The following SECISBP2L variants were observed in gnomAD, a reference collection of about 807,000 sequenced individuals.
SECISBP2L encodes the protein selenocysteine insertion sequence-binding protein 2-like.
Under a neutral mutation model 114.7 loss-of-function variants are expected in SECISBP2L, and 43 were observed. That is an observed-to-expected ratio of 0.38 (90% CI 0.29 to 0.48). SECISBP2L has a LOEUF of 0.48. SECISBP2L is among the 20% of genes least tolerant of loss of function. The probability of loss-of-function intolerance (pLI) is 0.98; values close to 1 mark genes in which losing one functional copy is unlikely to be tolerated. For missense variants in SECISBP2L, 1,136 were observed against 1,301.1 expected (o/e 0.87, Z 1.95); for synonymous variants, 451 against 439.7 (o/e 1.03, Z -0.32).
At position 49,012,829 on chromosome 15, in the gene SECISBP2L, G is replaced by A. The variant is rs750347205; in HGVS notation, c.1562-12C>T. 6.3e-7 allele frequency: 1 copy of A among 1,599,918 alleles called. No individual in the cohort carries two copies. The highest frequency in any genetic ancestry group is 8.5e-7 in the Non-Finnish European group (1 of 1,176,430). On this transcript the variant is annotated splice_polypyrimidine_tract_variant and intron_variant, in intron 11 of 17. Transcript: ENST00000559471. ...AGCTGCAGTAACCACTAAAAACAAA[G>A]AGGAACATTAGTTTCACCATTAGGG...
rs1299323296 is a variant in SECISBP2L at position 48,989,125 on chromosome 15, G to A, written c.*3119C>T. Reference sequence around the variant, plus strand: ...CCAACATACAGAAAATACATGACAAGGGTGTTTTTTTTTTTTAAGCAAACA... The same window carrying A: ...CCAACATACAGAAAATACATGACAAAGGTGTTTTTTTTTTTTAAGCAAACA... On this transcript the variant is annotated 3_prime_UTR_variant, in exon 18 of 18. Coordinates refer to ENST00000559471, the MANE Select transcript of SECISBP2L (RefSeq NM_001193489.2). The A allele has an allele frequency of 8.9e-6, 1 of 111,928 alleles. No individual in the cohort carries two copies. Among genetic ancestry groups the A allele is most frequent in the African/African-American group, 2.8e-5 (1 of 36,212 alleles). 6.9% of individuals were successfully genotyped at this position (111,928 alleles called of 1,614,324 possible).
chr15:49,038,994 C>A (rs749921023), intron 1 of SECISBP2L, among the ~76,000 whole-genome samples: 2 of 152,012 alleles, frequency 1.3e-5, no homozygotes, highest in African/African-American at 2.4e-5. Flanking sequence ...AGTAAAAAAT[C>A]TGAAGATGAG....
chr15:49,013,591 G>A (rs1353525511), intron 11 of SECISBP2L, among the ~76,000 whole-genome samples: 1 of 152,140 alleles, frequency 6.6e-6, no homozygotes, highest in African/African-American at 2.4e-5. Flanking sequence ...CACTACACCC[G>A]GCCTCAGTAA....
chr15:49,012,869 T>G, intron 11 of SECISBP2L, 52 bp from the exon 12 acceptor site: 1 of 1,541,662 alleles, frequency 6.5e-7, no homozygotes. Context: ...TCCCACATAC[T>G]TTCAAAATTT....
At chr15:48,999,172 C>A (rs1902153835) in intron 16 of SECISBP2L, among the ~76,000 whole-genome samples, 1 of 152,120 alleles carries the variant, frequency 6.6e-6, no homozygotes, top group Non-Finnish European at 1.5e-5. Flanking sequence ...AACATGGTGA[C>A]TGGATAGACA....
At chr15:49,031,162 C>T (rs1332306212) in intron 4 of SECISBP2L, among the ~76,000 whole-genome samples, 1 of 148,936 alleles carries the variant, frequency 6.7e-6, no homozygotes, top group African/African-American at 2.4e-5. Flanking sequence ...GATTCTCCTA[C>T]CTCAGCCTCC....
intron 1 of SECISBP2L, among the ~76,000 whole-genome samples, chr15:49,039,511 TTTC>T (rs959632946): frequency 6.6e-6 from 1 of 151,642 alleles, no homozygotes; most frequent in Non-Finnish European, 1.5e-5. Flanking sequence ...ATTTTTAGGA[TTTC>T]TTTTTTTTTT....
chr15:48,994,945 C>T (rs1902058465), intron 17 of SECISBP2L, among the ~76,000 whole-genome samples: 1 of 150,910 alleles, frequency 6.6e-6, no homozygotes, highest in African/African-American at 2.4e-5. Flanking sequence ...ATTTTAGATG[C>T]ACATTAACAT....
intron 17 of SECISBP2L, among the ~76,000 whole-genome samples, chr15:48,994,457 C>G (rs915283539): frequency 1.3e-5 from 2 of 152,308 alleles, no homozygotes; most frequent in East Asian, 3.9e-4. Context: ...CAGCAAAGCC[C>G]TTCATGATCT....
intron 17 of SECISBP2L, among the ~76,000 whole-genome samples, 174 bp from the exon 18 acceptor site, chr15:48,993,100 A>AGAGAGAGAGAGTGT (rs772299775): frequency 1.4e-5 from 2 of 139,130 alleles, no homozygotes; most frequent in African/African-American, 5.7e-5. Context: ...ACAGAGAGAG[A>AGAGAGAGAGAGTGT]GTGTGTGTGT....
chr15:49,012,511 C>T, intron 12 of SECISBP2L, 137 bp downstream of exon 12: 2 of 843,618 alleles, frequency 2.4e-6, no homozygotes, highest in Non-Finnish European at 3.7e-6. Flanking sequence ...CAAATTAACA[C>T]ATTATCGTCA....
At chr15:49,007,699 G>A (rs1292847156) in intron 14 of SECISBP2L, among the ~76,000 whole-genome samples, 1 of 152,188 alleles carries the variant, frequency 6.6e-6, no homozygotes, top group African/African-American at 2.4e-5. Context: ...TACTGAAGAT[G>A]CTTCTAGTAG....
rs1826515602 is a variant in SECISBP2L, at chr15:49,035,649, A to C, written c.213T>G (p.Pro71=). Residue 71 remains proline, a synonymous_variant, in exon 3 of 18, where the codon CCT becomes CCG. Coordinates refer to ENST00000559471, the MANE Select transcript of SECISBP2L (RefSeq NM_001193489.2). ...GCCATCGTATATCATTGTTATATAA[A>C]GGAAACTGTCTGCAAAACCAAATCA... is the stretch of plus-strand genomic sequence containing the variant. The part of the protein sequence containing the change: ...VQENQSNRQF[P]LYNNDIRWQQ... The C allele has an allele frequency of 6.2e-7, 1 of 1,601,302 alleles. No homozygotes were observed. The highest frequency in any genetic ancestry group is 1.7e-4 in the Middle Eastern group (1 of 5,990).
rs192632503 is a variant in SECISBP2L, at chr15:49,003,178, T to C, written c.2028-2081A>G. On this transcript the variant is annotated intron_variant, in intron 14 of 17. Coordinates refer to ENST00000559471, the MANE Select transcript of SECISBP2L (RefSeq NM_001193489.2). The stretch of plus-strand genomic sequence containing the variant: ...AGAGTTCCTTCACATCCCTTGTAAG[T>C]TGGATTCCTAGGTATTTTATTCTCT... 2.5e-3 allele frequency among the ~76,000 whole-genome samples: 378 copies of C among 152,300 alleles called. 1 individual carries two copies. Among genetic ancestry groups the C allele is most frequent in the African/African-American group, 8.7e-3 (362 of 41,558 alleles).
chr15:49,031,045 T>C (rs1339164648), intron 4 of SECISBP2L, among the ~76,000 whole-genome samples: 4 of 124,534 alleles, frequency 3.2e-5, no homozygotes, highest in Admixed American at 7.7e-5. Flanking sequence ...TTCTTTTTTT[T>C]TTTTTTTTTT....
intron 1 of SECISBP2L, among the ~76,000 whole-genome samples, chr15:49,040,527 C>CTTTTTTTTTTTTTTTTTT (rs66527715): frequency 1.6e-5 from 1 of 63,176 alleles, no homozygotes; most frequent in Non-Finnish European, 2.7e-5. Flanking sequence ...CCAAACTATT[C>CTTTTTTTTTTTTTTTTTT]TTTTTTTTTT....
At position 48,992,443 on chromosome 15, in the gene SECISBP2L, GT is replaced by G. The variant is rs781576646; in HGVS notation, c.3106del (p.Thr1036ProfsTer10). On this transcript the variant is annotated frameshift_variant, in exon 18 of 18. Transcript: ENST00000559471. LOFTEE classifies it low-confidence loss of function (END_TRUNC). Reference sequence around the variant, plus strand: ...ATTGTCTTCCTCAGAACCATTAAGGGTTTTTCCAAGCTGAAGGGTTTCCATA... The same window carrying G: ...ATTGTCTTCCTCAGAACCATTAAGGGTTTTCCAAGCTGAAGGGTTTCCATA... ...RTMETLQLGK[T>X]LNGSEEDNVE... The G allele has an allele frequency of 6.2e-7, 1 of 1,614,032 alleles. No homozygotes were observed. The highest frequency in any genetic ancestry group is 1.3e-5 in the African/African-American group (1 of 74,920).
At chr15:49,035,102 ACT>A (rs1902978193) in intron 3 of SECISBP2L, among the ~76,000 whole-genome samples, 1 of 152,096 alleles carries the variant, frequency 6.6e-6, no homozygotes, top group South Asian at 2.1e-4. Flanking sequence ...GTTATGTAAA[ACT>A]CTCTAAAGGA....
rs773214500 is a variant in SECISBP2L, at chr15:48,992,556, C to T, written c.2994G>A (p.Glu998=). The T allele has an allele frequency of 6.2e-7, 1 of 1,614,096 alleles. No individual in the cohort carries two copies. Among genetic ancestry groups the T allele is most frequent in the Non-Finnish European group, 8.5e-7 (1 of 1,180,020 alleles). Residue 998 remains glutamate (E), a synonymous_variant, in exon 18 of 18, where the codon GAG becomes GAA. Coordinates refer to ENST00000559471, the MANE Select transcript of SECISBP2L (RefSeq NM_001193489.2). ...LEEEEDEDEE[E]EEDYTHEPIS... ...TGGGTTCATGAGTATAATCTTCCTC[C>T]TCCTCCTCATCTTCATCTTCTTCTT...
Sources: allele counts gnomAD v4.1 joint callset (sites outside exome capture counted in the v4.1 genomes callset), GRCh38; gene constraint gnomAD v4.1.1; transcripts MANE v1.5; gene names NCBI Gene and HGNC (gene_info 2026-07-23, HGNC 2026-07-21).